The following P2RY8 variants were observed in gnomAD, a reference collection of about 807,000 sequenced individuals.
P2RY8 encodes S-geranylgeranyl-glutathione receptor P2RY8.
P2RY8 carries 6 observed loss-of-function variants against 10.0 expected under a neutral mutation model. That is an observed-to-expected ratio of 0.60 (90% CI 0.33 to 1.19). The LOEUF (loss-of-function observed/expected upper bound fraction) is 1.19. Among genes scored for constraint, P2RY8 ranks in the 50% most tolerant of loss-of-function variants. The pLI is 0.04. For synonymous variants in P2RY8, 276 were observed against 252.5 expected, an observed-to-expected ratio of 1.09 and a Z score of -0.88; for missense variants, 456 against 542.0, an observed-to-expected ratio of 0.84 and a Z score of 1.58.
At chrX:1,486,917 C>T (rs1326388115) in intron 1 of P2RY8, among the ~76,000 whole-genome samples, 4 of 152,226 alleles carry the variant, frequency 2.6e-5, no homozygotes, top group South Asian at 4.1e-4. Context: ...CAGAGAGCCC[C>T]GGTCACAGCC....
At chrX:1,480,853 A>G (rs1337432559) in intron 1 of P2RY8, among the ~76,000 whole-genome samples, 3 of 152,038 alleles carry the variant, frequency 2.0e-5, no homozygotes, top group Non-Finnish European at 2.9e-5. Flanking sequence ...TTTTAAAACA[A>G]AGAACCAGTA....
At chrX:1,516,111 C>G (rs1468161973) in intron 1 of P2RY8, among the ~76,000 whole-genome samples, 1 of 151,500 alleles carries the variant, frequency 6.6e-6, no homozygotes, top group Non-Finnish European at 1.5e-5. Flanking sequence ...GCAGGAGAAT[C>G]GCTTGAACCT....
chrX:1,485,664 T>C (rs1218849912), intron 1 of P2RY8, among the ~76,000 whole-genome samples: 4 of 148,030 alleles, frequency 2.7e-5, no homozygotes, highest in Admixed American at 6.8e-5. Flanking sequence ...ATTATTGTTA[T>C]ATAATAATTT....
chrX:1,521,356 C>T (rs2092390315), intron 1 of P2RY8, among the ~76,000 whole-genome samples: 1 of 152,088 alleles, frequency 6.6e-6, no homozygotes, highest in East Asian at 1.9e-4. Flanking sequence ...TTTATCCTCT[C>T]TGATTTCTAA....
At chrX:1,470,024 C>T (rs1290077450) in intron 1 of P2RY8, among the ~76,000 whole-genome samples, 9 of 152,110 alleles carry the variant, frequency 5.9e-5, no homozygotes, top group Non-Finnish European at 1.2e-4. Context: ...GTGCAAACAA[C>T]ACCATAATGC....
intron 1 of P2RY8, among the ~76,000 whole-genome samples, chrX:1,523,115 A>AAATAAATAAATAAATAAAT (rs1320486411): frequency 2.0e-5 from 3 of 150,888 alleles, no homozygotes; most frequent in African/African-American, 7.3e-5. Context: ...ATAAATAAAT[A>AAATAAATAAATAAATAAAT]AATAAAACAA....
chrX:1,529,522 T>C (rs2092459405), intron 1 of P2RY8, among the ~76,000 whole-genome samples: 1 of 151,938 alleles, frequency 6.6e-6, no homozygotes, highest in Admixed American at 6.6e-5. Context: ...TGGGGCGTGG[T>C]GGGTGGAGCC....
chrX:1,524,597 T>TCCATCCATC (rs2092421645), intron 1 of P2RY8, among the ~76,000 whole-genome samples: 1 of 17,248 alleles, frequency 5.8e-5, no homozygotes, highest in Non-Finnish European at 1.2e-4. Context: ...ATCCATCCAT[T>TCCATCCATC]CATCCATCTA....
intron 1 of P2RY8, among the ~76,000 whole-genome samples, chrX:1,491,267 T>C: frequency 1.3e-5 from 2 of 151,986 alleles, no homozygotes; most frequent in South Asian, 2.1e-4. Flanking sequence ...CTTCTGCAAA[T>C]GTAGAGAGAA....
chrX:1,501,347 C>T (rs2092177268), intron 1 of P2RY8, among the ~76,000 whole-genome samples: 1 of 152,082 alleles, frequency 6.6e-6, no homozygotes, highest in African/African-American at 2.4e-5. Flanking sequence ...TTTTCATTTT[C>T]ACTTTCGTTT....
intron 1 of P2RY8, among the ~76,000 whole-genome samples, chrX:1,535,720 CACACACAG>C (rs1249543694): frequency 0.025 from 1,490 of 58,722 alleles, 10 homozygotes; most frequent in South Asian, 0.061. Context: ...CACACAGACA[CACACACAG>C]ACACACACAC....
At chrX:1,515,559 T>C (rs1468005763) in intron 1 of P2RY8, among the ~76,000 whole-genome samples, 1 of 149,954 alleles carries the variant, frequency 6.7e-6, no homozygotes, top group Non-Finnish European at 1.5e-5. Context: ...TTAGAAGAGA[T>C]GGGATTTCTC....
chrX:1,478,873 C>T (rs1374125860), intron 1 of P2RY8, among the ~76,000 whole-genome samples: 17 of 151,954 alleles, frequency 1.1e-4, no homozygotes, highest in Non-Finnish European at 2.9e-5. Flanking sequence ...TGGAATATAC[C>T]AGAAGCCTCC....
intron 1 of P2RY8, 86 bp from the exon 2 acceptor site, chrX:1,466,668 G>C (rs760146481): frequency 7.6e-7 from 1 of 1,315,912 alleles, no homozygotes; most frequent in Non-Finnish European, 1.0e-6. Context: ...GCCGCTCCCC[G>C]GGGACCAAGG....
intron 1 of P2RY8, among the ~76,000 whole-genome samples, chrX:1,534,676 A>AAGG (rs2092511540): frequency 6.6e-6 from 1 of 152,012 alleles, no homozygotes; most frequent in African/African-American, 2.4e-5. Context: ...GGCAGGGCTG[A>AAGG]AGGAGAGGGC....
At chrX:1,516,020 TAAAAA>T (rs765204755) in intron 1 of P2RY8, among the ~76,000 whole-genome samples, 11 of 125,988 alleles carry the variant, frequency 8.7e-5, no homozygotes, top group South Asian at 2.7e-4. Context: ...CTGTCTCTAC[TAAAAA>T]AAAAAAAAAA....
chrX:1,466,848 T>C (rs1475453335), intron 1 of P2RY8, among the ~76,000 whole-genome samples: 1 of 148,232 alleles, frequency 6.7e-6, no homozygotes, highest in African/African-American at 2.5e-5. Flanking sequence ...TCCTCTCTCC[T>C]TCCTTCTCTT....
At chrX:1,492,467 A>G (rs2149392034) in intron 1 of P2RY8, among the ~76,000 whole-genome samples, 1 of 152,134 alleles carries the variant, frequency 6.6e-6, no homozygotes, top group Admixed American at 6.5e-5. Context: ...CCCTATAGAG[A>G]AAGTGGTCTT....
intron 1 of P2RY8, among the ~76,000 whole-genome samples, chrX:1,529,215 G>A (rs1446704450): frequency 6.6e-6 from 1 of 152,110 alleles, no homozygotes; most frequent in Non-Finnish European, 1.5e-5. Context: ...TGTAACGACA[G>A]AGTCTCTTCA....
Sources: gnomAD v4.1 joint callset for allele counts (sites outside exome capture counted in the v4.1 genomes callset) on GRCh38, gnomAD v4.1.1 for gene constraint, MANE v1.5 for transcripts, NCBI Gene and HGNC (gene_info 2026-07-23, HGNC 2026-07-21) for gene names.